SLC16A7: variants seen among roughly 807,000 people sequenced by gnomAD.
SLC16A7 encodes the protein monocarboxylate transporter 2.
In SLC16A7, 33 loss-of-function variants were observed where a neutral mutation model predicts 34.9. The observed-to-expected ratio is 0.94, with a 90% CI of 0.72 to 1.26. The LOEUF is 1.26. Among genes scored for constraint, SLC16A7 ranks in the 50% most tolerant of loss-of-function variants. The pLI, the probability that SLC16A7 is intolerant of heterozygous loss-of-function variation, is 0.00. For synonymous variants in SLC16A7, 201 were observed against 206.6 expected, an observed-to-expected ratio of 0.97 and a Z score of 0.23; for missense variants, 573 against 578.1, an observed-to-expected ratio of 0.99 and a Z score of 0.09.
chr12:59,767,176 TAA>T (rs1881747010), intron 3 of SLC16A7, among the ~76,000 whole-genome samples: 1 of 151,068 alleles, frequency 6.6e-6, no homozygotes, highest in South Asian at 2.1e-4. Context: ...AGTATGCAAA[TAA>T]ACTAGAAGCT....
intron 1 of SLC16A7, among the ~76,000 whole-genome samples, chr12:59,605,461 G>T (rs1369193399): frequency 6.6e-6 from 1 of 152,154 alleles, no homozygotes; most frequent in East Asian, 1.9e-4. Flanking sequence ...ACAGAGTAGG[G>T]TCTGGAGAAT....
rs1883768650 is a variant in SLC16A7 at position 59,788,409 on chromosome 12, A to T, written c.*8730A>T. 6.6e-6 allele frequency: 1 copy of T among 152,128 alleles called. No homozygotes were observed. Among genetic ancestry groups the T allele is most frequent in the African/African-American group, 2.4e-5 (1 of 41,462 alleles). The allele number at this position is 152,128 out of a possible 1,614,324, so 9.4% of individuals were successfully genotyped here. On this transcript the variant is annotated 3_prime_UTR_variant, in exon 6 of 6. Transcript: ENST00000547379. ...GTCTTGTTTATTCTATAGATATCTT[A>T]ATGACCACTGAACAAATGATCATAT...
rs993592290 is a variant in SLC16A7, at chr12:59,596,250, G to A, written c.-130+14G>A. 6.5e-6 allele frequency: 1 copy of A among 152,982 alleles called. No homozygotes were observed. The highest frequency in any genetic ancestry group is 1.5e-5 in the Non-Finnish European group (1 of 68,406). 9.5% of individuals were successfully genotyped at this position (152,982 alleles called of 1,614,324 possible). A position where few individuals can be genotyped will look rare whatever the true frequency, so the allele number is the denominator to read the frequency against. On this transcript the variant is annotated intron_variant, in intron 1 of 5. Coordinates refer to ENST00000547379, the MANE Select transcript of SLC16A7 (RefSeq NM_001270623.2). The surrounding 1 kb of genome is among the most constrained non-coding windows in gnomAD (Gnocchi z 5.0). ...AGACCAGATAAAGTAAGTACAGCTGGGGAGGGAGGGGAGAGGAGGAGGAGG... is the reference window on the plus strand; with the variant it reads ...AGACCAGATAAAGTAAGTACAGCTGAGGAGGGAGGGGAGAGGAGGAGGAGG...
intron 3 of SLC16A7, among the ~76,000 whole-genome samples, chr12:59,745,303 A>G (rs1592625493): frequency 6.6e-6 from 1 of 152,244 alleles, no homozygotes; most frequent in East Asian, 1.9e-4. Context: ...AACCATTCCC[A>G]TAAAGTATTA....
At chr12:59,605,716 A>G (rs1371715731) in intron 1 of SLC16A7, among the ~76,000 whole-genome samples, 3 of 151,982 alleles carry the variant, frequency 2.0e-5, no homozygotes, top group Admixed American at 1.3e-4. Flanking sequence ...CCTTGAGCCA[A>G]TTTTTTTTGT....
chr12:59,774,753 G>C lies in SLC16A7; in HGVS notation c.458G>C (p.Gly153Ala). ...ATGGCAAATGGATTGGCCATGGCAG[G>C]AAGTCCTGTTTTCTTAAGTTCATTG... ...RPMANGLAMA[G>A]SPVFLSSLAP... is the part of the protein sequence containing the mutation. Residue 153 changes from glycine to alanine, a missense_variant, in exon 5 of 6, where the codon GGA becomes GCA. Coordinates refer to ENST00000547379, the MANE Select transcript of SLC16A7 (RefSeq NM_001270623.2). 1 of 1,613,846 alleles carries C rather than the reference G, an allele frequency of 6.2e-7. No individual in the cohort carries two copies.
At position 59,762,324 on chromosome 12, in the gene SLC16A7, C is replaced by G. The variant is rs928818935; in HGVS notation, c.218-8895C>G. Among the ~76,000 whole-genome samples, 39 of 152,186 alleles carry G rather than the reference C, an allele frequency of 2.6e-4. 1 individual carries two copies. Among genetic ancestry groups the G allele is most frequent in the African/African-American group, 9.1e-4 (38 of 41,546 alleles). ...TTCTTATTGAATTGTTTCATTCTAG[C>G]TTGAATATCGAAATGGAATGTGTTA... On this transcript the variant is annotated intron_variant, in intron 3 of 5. Coordinates refer to ENST00000547379, the MANE Select transcript of SLC16A7 (RefSeq NM_001270623.2).
intron 2 of SLC16A7, among the ~76,000 whole-genome samples, chr12:59,687,423 G>A (rs915433650): frequency 2.8e-4 from 43 of 152,002 alleles, no homozygotes; most frequent in Admixed American, 1.1e-3. Context: ...TACATTTTCT[G>A]CATTTGAAGA....
chr12:59,703,484 G>A (rs997904238), intron 2 of SLC16A7, among the ~76,000 whole-genome samples: 5 of 151,836 alleles, frequency 3.3e-5, no homozygotes, highest in Non-Finnish European at 5.9e-5. Flanking sequence ...ATATAAAAAA[G>A]CTAATTTTTT....
intron 1 of SLC16A7, among the ~76,000 whole-genome samples, chr12:59,619,238 A>G (rs1428566028): frequency 1.3e-5 from 2 of 152,096 alleles, no homozygotes; most frequent in Non-Finnish European, 2.9e-5. Flanking sequence ...ACTTCATTTC[A>G]ATTTAATATC....
At chr12:59,736,003 G>A (rs1565682684) in intron 3 of SLC16A7, 3 of 790,872 alleles carry the variant, frequency 3.8e-6, no homozygotes, top group African/African-American at 3.6e-5. Context: ...CAAGATTTTG[G>A]TAGAAACATT....
intron 3 of SLC16A7, among the ~76,000 whole-genome samples, chr12:59,741,431 T>C (rs7303876): frequency 0.27 from 40,420 of 152,074 alleles, 5,454 homozygotes; most frequent in East Asian, 0.31. Flanking sequence ...TTGCTCTTAG[T>C]GCTGGTTAGT....
At chr12:59,679,022 C>T (rs903091817) in intron 2 of SLC16A7, among the ~76,000 whole-genome samples, 1 of 152,188 alleles carries the variant, frequency 6.6e-6, no homozygotes, top group African/African-American at 2.4e-5. Context: ...AAGATCAGAA[C>T]AGGCAGCAGG....
chr12:59,738,934 A>T (rs1189194430), intron 3 of SLC16A7, among the ~76,000 whole-genome samples: 1 of 151,556 alleles, frequency 6.6e-6, no homozygotes, highest in Admixed American at 6.6e-5. Context: ...GAGAACTTAC[A>T]GTTCTCCAAA....
chr12:59,764,349 T>C (rs1408308779), intron 3 of SLC16A7, among the ~76,000 whole-genome samples: 1 of 152,206 alleles, frequency 6.6e-6, no homozygotes, highest in African/African-American at 2.4e-5. Context: ...ATTATTATTA[T>C]ACTTTAAGTT....
At chr12:59,614,007 G>C (rs150714968) in intron 1 of SLC16A7, among the ~76,000 whole-genome samples, 2,232 of 151,246 alleles carry the variant, frequency 0.015, 55 homozygotes, top group African/African-American at 0.05. Flanking sequence ...GGTCCATTCT[G>C]ATCCTGATGC....
intron 3 of SLC16A7, among the ~76,000 whole-genome samples, chr12:59,733,428 C>T (rs1264168382): frequency 1.3e-5 from 2 of 152,132 alleles, no homozygotes; most frequent in Admixed American, 1.3e-4. Context: ...GGGTGGGCAG[C>T]TCCAGGCGCT....
At chr12:59,725,004 T>A (rs1047877366) in intron 3 of SLC16A7, among the ~76,000 whole-genome samples, 1 of 151,878 alleles carries the variant, frequency 6.6e-6, no homozygotes, top group Non-Finnish European at 1.5e-5. Flanking sequence ...TGATACCTAT[T>A]GATATTCTTT....
chr12:59,635,277 G>A (rs1880366454), intron 1 of SLC16A7, among the ~76,000 whole-genome samples: 2 of 151,970 alleles, frequency 1.3e-5, no homozygotes, highest in South Asian at 4.1e-4. Context: ...CTATATACAG[G>A]TACAAAATGT....
Sources: allele counts gnomAD v4.1 joint callset (sites outside exome capture counted in the v4.1 genomes callset), GRCh38; gene constraint gnomAD v4.1.1; non-coding constraint Gnocchi (gnomAD v3.1); transcripts MANE v1.5; gene names NCBI Gene and HGNC (gene_info 2026-07-23, HGNC 2026-07-21).